Variants in ADHFE1 observed in about 807,000 individuals in gnomAD.
ADHFE1 encodes the protein hydroxyacid-oxoacid transhydrogenase, mitochondrial.
Under a neutral mutation model 54.8 loss-of-function variants are expected in ADHFE1, and 37 were observed. That is an observed-to-expected ratio of 0.68 (90% CI 0.52 to 0.89). ADHFE1 has a LOEUF of 0.89. Ranked by LOEUF, ADHFE1 falls within the 40% of genes least tolerant of loss-of-function variation. The pLI is 0.00. For missense variants in ADHFE1, 601 were observed against 591.2 expected, an observed-to-expected ratio of 1.02 and a Z score of -0.17; for synonymous variants, 203 against 229.3, an observed-to-expected ratio of 0.89 and a Z score of 1.04.
intron 2 of ADHFE1, among the ~76,000 whole-genome samples, chr8:66,442,308 T>TC (rs1274842295): frequency 6.7e-6 from 1 of 149,410 alleles, no homozygotes; most frequent in Non-Finnish European, 1.5e-5. Flanking sequence ...TTACATTCTA[T>TC]CTTTTTTTTT....
At chr8:66,436,763 G>T (rs1805487372) in intron 1 of ADHFE1, among the ~76,000 whole-genome samples, 1 of 152,150 alleles carries the variant, frequency 6.6e-6, no homozygotes, top group Admixed American at 6.5e-5. Flanking sequence ...GGAAAGAAAA[G>T]AAAAAGTTCC....
Position 66,454,045 on chromosome 8 carries a change from T to C in ADHFE1, c.888-14T>C. 6.2e-7 allele frequency: 1 copy of C among 1,613,814 alleles called. No homozygotes were observed. Among genetic ancestry groups the C allele is most frequent in the Non-Finnish European group, 8.5e-7 (1 of 1,179,832 alleles). Reference sequence around the variant, plus strand: ...TGTTGATGTGTTATTGTTAGGTATTTATATCATTCACAGGGCTGTCAGAAA... The same window carrying C: ...TGTTGATGTGTTATTGTTAGGTATTCATATCATTCACAGGGCTGTCAGAAA... On this transcript the variant is annotated splice_polypyrimidine_tract_variant and intron_variant, in intron 9 of 13. Transcript: ENST00000396623.
chr8:66,438,576 G>T (rs1248354262), intron 1 of ADHFE1, among the ~76,000 whole-genome samples: 2 of 152,182 alleles, frequency 1.3e-5, no homozygotes, highest in Admixed American at 6.5e-5. Flanking sequence ...AGCTGGACTT[G>T]CAGACACAGC....
intron 10 of ADHFE1, 51 bp from the exon 11 acceptor site, chr8:66,456,766 C>A: frequency 7.0e-7 from 1 of 1,422,942 alleles, no homozygotes; most frequent in African/African-American, 1.4e-5. Context: ...CTATTGTTGA[C>A]TTGAATTTTG....
At chr8:66,453,419 A>G (rs1038812889) in intron 9 of ADHFE1, among the ~76,000 whole-genome samples, 1 of 152,204 alleles carries the variant, frequency 6.6e-6, no homozygotes, top group Non-Finnish European at 1.5e-5. Flanking sequence ...GACAGTCTTC[A>G]GGCTTCTTCC....
At position 66,439,120 on chromosome 8, in the gene ADHFE1, A is replaced by T. The variant is rs571545638; in HGVS notation, c.60-1042A>T. 5.0e-4 allele frequency: 457 copies of T among 921,578 alleles called. No homozygotes were observed. The Middle Eastern group carries it at 0.012, about 23-fold the overall frequency. 57.1% of individuals were successfully genotyped at this position (921,578 alleles called of 1,614,324 possible). The stretch of plus-strand genomic sequence containing the variant: ...GCAGCCGCGACTCGCGCCAGCTCTC[A>T]CTCGCCCCCGCGTCTGCTTTGACTT... On this transcript the variant is annotated intron_variant, in intron 1 of 13. Coordinates refer to ENST00000396623, the MANE Select transcript of ADHFE1 (RefSeq NM_144650.3). The surrounding 1 kb of genome is among the most constrained non-coding windows in gnomAD (Gnocchi z 4.4).
At chr8:66,466,422 T>G (rs556458008) in intron 13 of ADHFE1, among the ~76,000 whole-genome samples, 12 of 152,224 alleles carry the variant, frequency 7.9e-5, no homozygotes, top group African/African-American at 2.9e-4. Context: ...AAGCCAATAT[T>G]CCTAAAGATT....
Position 66,448,871 on chromosome 8 carries a change from C to T in ADHFE1, c.635C>T (p.Thr212Ile). 1.2e-6 allele frequency: 2 copies of T among 1,614,006 alleles called. No individual in the cohort carries two copies. Among genetic ancestry groups the T allele is most frequent in the Non-Finnish European group, 1.7e-6 (2 of 1,179,930 alleles). ...GAAAATCCTTATGTTTTAGGCATCA[C>T]TTCGAGAGCCATCAAACCCACACTG... is the stretch of plus-strand genomic sequence containing the variant. ...YEHLKVKIGI[T>I]SRAIKPTLGL... Residue 212 changes from threonine (T) to isoleucine (I), a missense_variant, in exon 8 of 14, where the codon ACT becomes ATT. Transcript: ENST00000396623.
chr8:66,435,388 C>T (rs577109016), intron 1 of ADHFE1, among the ~76,000 whole-genome samples: 6 of 152,240 alleles, frequency 3.9e-5, no homozygotes, highest in African/African-American at 1.4e-4. Context: ...CTGCAGAATC[C>T]ACTTACTTGC....
chr8:66,440,075 T>A, intron 1 of ADHFE1, 87 bp from the exon 2 acceptor site: 1 of 1,287,264 alleles, frequency 7.8e-7, no homozygotes, highest in South Asian at 1.3e-5. Context: ...AGCACTAGAC[T>A]GCAATGTGAG....
intron 12 of ADHFE1, chr8:66,459,424 ATATATAT>A (rs1221680039): frequency 2.8e-5 from 3 of 108,264 alleles, no homozygotes; most frequent in South Asian, 6.2e-4. Context: ...ATATATATAT[ATATATAT>A]TTTTTTTTTT....
chr8:66,467,066 TG>T (rs1563497308), intron 13 of ADHFE1, among the ~76,000 whole-genome samples: 2 of 152,108 alleles, frequency 1.3e-5, no homozygotes, highest in South Asian at 4.2e-4. Context: ...GAATGACCTC[TG>T]GGGGGCAAGA....
chr8:66,450,864 T>C (rs1412716323), intron 8 of ADHFE1, among the ~76,000 whole-genome samples: 1 of 152,232 alleles, frequency 6.6e-6, no homozygotes, highest in Non-Finnish European at 1.5e-5. Flanking sequence ...CATATCCATC[T>C]ACAAACTAAT....
intron 3 of ADHFE1, 24 bp downstream of exon 3, chr8:66,442,868 T>C: frequency 6.5e-7 from 1 of 1,536,246 alleles, no homozygotes; most frequent in Admixed American, 2.3e-5. Context: ...ATCCATTATT[T>C]CTTTTATGAA....
chr8:66,447,117 T>C (rs1478034860), intron 6 of ADHFE1, 147 bp from the exon 7 acceptor site: 5 of 566,336 alleles, frequency 8.8e-6, no homozygotes, highest in Non-Finnish European at 1.6e-5. Flanking sequence ...TAGGTTTCCA[T>C]ACATGTTAAT....
intron 1 of ADHFE1, among the ~76,000 whole-genome samples, chr8:66,435,859 T>G (rs1805435103): frequency 6.6e-6 from 1 of 151,654 alleles, no homozygotes; most frequent in African/African-American, 2.4e-5. Context: ...TCTTCCCATC[T>G]TGGCCTCCCA....
chr8:66,437,749 C>T (rs926588758), intron 1 of ADHFE1, among the ~76,000 whole-genome samples: 6 of 152,160 alleles, frequency 3.9e-5, no homozygotes, highest in Admixed American at 1.3e-4. Flanking sequence ...CTGGGCATCA[C>T]TAAATTCACA....
intron 9 of ADHFE1, chr8:66,453,809 G>T: frequency 6.9e-7 from 1 of 1,450,502 alleles, no homozygotes; most frequent in Non-Finnish European, 9.3e-7. Flanking sequence ...TGCCTCCCCC[G>T]GCGCTTTTAC....
intron 2 of ADHFE1, among the ~76,000 whole-genome samples, chr8:66,441,224 C>G (rs1019839933): frequency 1.1e-4 from 16 of 152,092 alleles, no homozygotes; most frequent in South Asian, 2.1e-4. Flanking sequence ...AATTTAGTAA[C>G]AGAAATATTA....
Sources: gnomAD v4.1 joint callset for allele counts (sites outside exome capture counted in the v4.1 genomes callset) on GRCh38, gnomAD v4.1.1 for gene constraint, Gnocchi (gnomAD v3.1) non-coding constraint, MANE v1.5 for transcripts, NCBI Gene and HGNC (gene_info 2026-07-23, HGNC 2026-07-21) for gene names.